Variants in RASD2 observed in about 807,000 individuals in gnomAD.
The protein encoded by RASD2 is GTP-binding protein Rhes.
In RASD2, 7 loss-of-function variants were observed where a neutral mutation model predicts 15.8. The observed-to-expected ratio is 0.44, with a 90% CI of 0.25 to 0.83. RASD2 has a LOEUF of 0.83. RASD2 is among the 40% of genes least tolerant of loss of function. The probability of loss-of-function intolerance (pLI) is 0.20; values close to 1 mark genes in which losing one functional copy is unlikely to be tolerated. For missense variants in RASD2, 274 were observed against 382.8 expected (o/e 0.72, Z 2.37); for synonymous variants, 155 against 153.6 (o/e 1.01, Z -0.07).
chr22:35,546,998 C>T lies in RASD2; in HGVS notation c.189C>T (p.Arg63=), dbSNP rs368484551. The part of the protein sequence containing the change: ...EDFHRKVYNI[R]GDMYQLDILD... Reference sequence around the variant, plus strand: ...TCCACCGTAAGGTATACAACATCCGCGGCGACATGTACCAGCTCGACATCC... The same window carrying T: ...TCCACCGTAAGGTATACAACATCCGTGGCGACATGTACCAGCTCGACATCC... The change falls in exon 2 of 3, where the codon CGC becomes CGT. Residue 63 remains arginine, a synonymous_variant. Coordinates refer to ENST00000216127, the MANE Select transcript of RASD2 (RefSeq NM_014310.4). 110 of 1,614,020 alleles carry T rather than the reference C, an allele frequency of 6.8e-5. No homozygotes were observed. The highest frequency in any genetic ancestry group is 6.2e-4 in the Admixed American group (37 of 59,996).
chr22:35,536,985 G>A (rs1056692141), upstream of RASD2, among the ~76,000 whole-genome samples: 3 of 152,170 alleles, frequency 2.0e-5, no homozygotes, highest in African/African-American at 7.2e-5. Context: ...TCTGAGTGGG[G>A]AGCCTGGGTT....
upstream of RASD2, among the ~76,000 whole-genome samples, chr22:35,540,342 C>A (rs1934309337): frequency 6.6e-6 from 1 of 150,764 alleles, no homozygotes; most frequent in Middle Eastern, 3.4e-3. Flanking sequence ...CCCGGCCCCA[C>A]GCGCCCGGAC....
intron 2 of RASD2, among the ~76,000 whole-genome samples, chr22:35,548,816 T>A (rs1244658044): frequency 6.6e-6 from 1 of 152,092 alleles, no homozygotes; most frequent in Admixed American, 6.5e-5. Context: ...GGCACATGCA[T>A]CCTGTCTGAG....
In RASD2 at chr22:35,551,742, G is replaced by T; in HGVS notation, c.511G>T (p.Val171Leu). 6.2e-7 allele frequency: 1 copy of T among 1,614,010 alleles called. No homozygotes were observed. The highest frequency in any genetic ancestry group is 8.5e-7 in the Non-Finnish European group (1 of 1,179,974). Reference protein sequence around the residue: ...SGDENCAYFEVSAKKNTNVDE... With the variant: ...SGDENCAYFELSAKKNTNVDE... Reference sequence around the variant, plus strand: ...CGACGAGAACTGCGCCTACTTCGAGGTGTCGGCCAAGAAGAACACCAACGT... The same window carrying T: ...CGACGAGAACTGCGCCTACTTCGAGTTGTCGGCCAAGAAGAACACCAACGT... The change falls in exon 3 of 3, where the codon GTG (valine) becomes TTG (leucine). Residue 171 changes from valine (V) to leucine (L), a missense_variant. Val to Leu is a conservative substitution (Grantham distance 32). Coordinates refer to ENST00000216127, the MANE Select transcript of RASD2 (RefSeq NM_014310.4). The surrounding 1 kb of genome is among the most constrained non-coding windows in gnomAD (Gnocchi z 4.9).
At chr22:35,550,710 T>G (rs1161466318) in intron 2 of RASD2, among the ~76,000 whole-genome samples, 1 of 152,222 alleles carries the variant, frequency 6.6e-6, no homozygotes, top group Admixed American at 6.5e-5. Flanking sequence ...AGGCACGAGC[T>G]AGGTGAGAAC....
At chr22:35,542,510 A>G (rs5755741) in intron 1 of RASD2, among the ~76,000 whole-genome samples, 93,894 of 152,134 alleles carry the variant, frequency 0.62, 29,964 homozygotes, top group East Asian at 0.87. Flanking sequence ...TTGGCCTGCC[A>G]GAAGTGGATG....
intron 1 of RASD2, among the ~76,000 whole-genome samples, chr22:35,543,039 G>A (rs1934394365): frequency 6.6e-6 from 1 of 152,194 alleles, no homozygotes; most frequent in African/African-American, 2.4e-5. Context: ...AGAGTTAAGA[G>A]CCCAGACTTT....
intron 1 of RASD2, among the ~76,000 whole-genome samples, chr22:35,543,267 TG>T (rs1934399131): frequency 6.6e-6 from 1 of 152,178 alleles, no homozygotes; most frequent in Admixed American, 6.5e-5. Flanking sequence ...GGCCCTGTGA[TG>T]GGGTCAGTAG....
the RASD2 span, among the ~76,000 whole-genome samples, chr22:35,533,789 GGGGA>G: frequency 7.3e-6 from 1 of 136,612 alleles, no homozygotes; most frequent in Admixed American, 7.4e-5. Context: ...TAGCGATGAT[GGGGA>G]TGATGACAGT....
upstream of RASD2, among the ~76,000 whole-genome samples, chr22:35,540,345 G>A (rs1192347954): frequency 1.3e-5 from 2 of 150,550 alleles, no homozygotes; most frequent in Non-Finnish European, 3.0e-5. Flanking sequence ...GGCCCCACGC[G>A]CCCGGACACG....
chr22:35,542,077 C>T (rs1472895127), intron 1 of RASD2, among the ~76,000 whole-genome samples: 1 of 152,184 alleles, frequency 6.6e-6, no homozygotes, highest in East Asian at 1.9e-4. Context: ...CTCTGGAGGC[C>T]TCTCTGTGCC....
chr22:35,542,775 C>G (rs1252102900), intron 1 of RASD2, among the ~76,000 whole-genome samples: 2 of 152,218 alleles, frequency 1.3e-5, no homozygotes. Flanking sequence ...CTTCATCTTT[C>G]AGGCAGGCCC....
chr22:35,541,033 T>G lies in RASD2; in HGVS notation c.-477T>G, dbSNP rs1934331443. 6.6e-6 allele frequency: 1 copy of G among 152,216 alleles called. No individual in the cohort carries two copies. 9.4% of individuals were successfully genotyped at this position (152,216 alleles called of 1,614,324 possible). A position where few individuals can be genotyped will look rare whatever the true frequency, so the allele number is the denominator to read the frequency against. ...AGGCGACCAGGAGGGTTCGCCCACC[T>G]GGGACACGCACCCACAGTCACCTCC... On this transcript the variant is annotated 5_prime_UTR_variant, in exon 1 of 3. Transcript: ENST00000216127.
At chr22:35,543,509 T>C (rs1934407274) in intron 1 of RASD2, among the ~76,000 whole-genome samples, 2 of 152,302 alleles carry the variant, frequency 1.3e-5, no homozygotes, top group African/African-American at 4.8e-5. Context: ...TGGCTGAGGA[T>C]GGAGAAGGGA....
the RASD2 span, among the ~76,000 whole-genome samples, chr22:35,535,753 C>G: frequency 6.6e-6 from 1 of 152,164 alleles, no homozygotes; most frequent in Non-Finnish European, 1.5e-5. Flanking sequence ...GTGTCTTTGG[C>G]TGGAGCATAA....
chr22:35,537,575 C>A (rs1934261428), upstream of RASD2, among the ~76,000 whole-genome samples: 1 of 152,212 alleles, frequency 6.6e-6, no homozygotes. Flanking sequence ...CCCACTTTTA[C>A]AGGCCAAGAA....
Position 35,552,238 on chromosome 22 carries a change from T to G in RASD2, c.*206T>G. On this transcript the variant is annotated 3_prime_UTR_variant, in exon 3 of 3. Coordinates refer to ENST00000216127, the MANE Select transcript of RASD2 (RefSeq NM_014310.4). ...AGTCCGCTTGTCCACAGCTCCTTGG[T>G]GGTTTCATCTCCTCTGTGGGAGGAC... The G allele has an allele frequency of 1.6e-6, 1 of 642,926 alleles. No homozygotes were observed. The highest frequency in any genetic ancestry group is 2.6e-6 in the Non-Finnish European group (1 of 379,198). 39.8% of individuals were successfully genotyped at this position (642,926 alleles called of 1,614,324 possible).
At chr22:35,543,236 G>A (rs1338298466) in intron 1 of RASD2, among the ~76,000 whole-genome samples, 1 of 152,112 alleles carries the variant, frequency 6.6e-6, no homozygotes, top group African/African-American at 2.4e-5. Flanking sequence ...GAACTTTCTG[G>A]CTTCCACCTG....
At chr22:35,538,617 G>A (rs1476746449), upstream of RASD2, among the ~76,000 whole-genome samples, 1 of 152,214 alleles carries the variant, frequency 6.6e-6, no homozygotes, top group African/African-American at 2.4e-5. Context: ...TGGGGCAAGT[G>A]GACCTCCCAG....
Sources: allele counts gnomAD v4.1 joint callset (sites outside exome capture counted in the v4.1 genomes callset), GRCh38; gene constraint gnomAD v4.1.1; non-coding constraint Gnocchi (gnomAD v3.1); transcripts MANE v1.5; gene names NCBI Gene and HGNC (gene_info 2026-07-23, HGNC 2026-07-21).